Variants in NOS1 observed in about 807,000 individuals in gnomAD.
NOS1 encodes the protein NOS type I.
Under a neutral mutation model 164.5 loss-of-function variants are expected in NOS1, and 51 were observed. The observed-to-expected ratio is 0.31, with a 90% CI of 0.25 to 0.39. The LOEUF (loss-of-function observed/expected upper bound fraction) is 0.39, where lower values mean the gene tolerates loss of function less well. Among genes scored for constraint, NOS1 ranks in the 10% least tolerant of loss-of-function variants. The probability of loss-of-function intolerance (pLI) is 1.00; values close to 1 mark genes in which losing one functional copy is unlikely to be tolerated. For synonymous variants in NOS1, 719 were observed against 745.8 expected, an observed-to-expected ratio of 0.96 and a Z score of 0.59; for missense variants, 1,362 against 1,885.6, an observed-to-expected ratio of 0.72 and a Z score of 5.14.
At chr12:117,263,325 C>T (rs552053249) in intron 13 of NOS1, among the ~76,000 whole-genome samples, 2 of 152,088 alleles carry the variant, frequency 1.3e-5, no homozygotes, top group East Asian at 3.9e-4. Context: ...CAGCTCCTCC[C>T]TAGTCTGGGT....
At chr12:117,218,542 G>A (rs573687658) in intron 27 of NOS1, among the ~76,000 whole-genome samples, 2 of 152,114 alleles carry the variant, frequency 1.3e-5, no homozygotes, top group South Asian at 4.2e-4. Flanking sequence ...GGCAAAACTG[G>A]GTTTAGTGTG....
chr12:117,357,516 T>C (rs182647938), intron 1 of NOS1, among the ~76,000 whole-genome samples: 123 of 152,316 alleles, frequency 8.1e-4, no homozygotes, highest in African/African-American at 2.9e-3. Context: ...GACACTGAGG[T>C]TCTATCCCAG....
At chr12:117,358,105 G>A (rs1229435613) in intron 1 of NOS1, among the ~76,000 whole-genome samples, 1 of 152,176 alleles carries the variant, frequency 6.6e-6, no homozygotes, top group African/African-American at 2.4e-5. Context: ...CTTGTCATAA[G>A]ACACCCCAAA....
intron 2 of NOS1, among the ~76,000 whole-genome samples, chr12:117,325,839 C>T (rs755231018): frequency 4.7e-4 from 71 of 152,234 alleles, no homozygotes; most frequent in Non-Finnish European, 9.1e-4. Flanking sequence ...TAGGCGCAAA[C>T]ATCTGATCAT....
chr12:117,224,342 G>C (rs1401786432), intron 25 of NOS1, among the ~76,000 whole-genome samples: 2 of 151,830 alleles, frequency 1.3e-5, no homozygotes, highest in African/African-American at 4.8e-5. Flanking sequence ...CTGGAGTGCG[G>C]TGGCACGATC....
At chr12:117,221,049 C>T (rs1344199668) in intron 26 of NOS1, among the ~76,000 whole-genome samples, 1 of 152,174 alleles carries the variant, frequency 6.6e-6, no homozygotes, top group African/African-American at 2.4e-5. Flanking sequence ...CCCCAGACCT[C>T]CCCAAGATCC....
In NOS1 at chr12:117,290,443, A is replaced by T; in HGVS notation, c.853-17T>A. 1 of 1,605,196 alleles carries T rather than the reference A, an allele frequency of 6.2e-7. No individual in the cohort carries two copies. The highest frequency in any genetic ancestry group is 8.5e-7 in the Non-Finnish European group (1 of 1,175,272). ...GGTGGGGGGCTGCAGGAGAGAATGA[A>T]GGTGGAAGATGAGGCAGGGCCTTGA... On this transcript the variant is annotated splice_polypyrimidine_tract_variant and intron_variant, in intron 3 of 28. Coordinates refer to ENST00000317775, the MANE Select transcript of NOS1 (RefSeq NM_000620.5).
chr12:117,211,686 T>G lies in NOS1; in HGVS notation c.*3623A>C. Reference sequence around the variant, plus strand: ...TCCCAATTCCTGGACAACTCTTACCTTCCAGAAGCTACCAGTGAAATCCCG... The same window carrying G: ...TCCCAATTCCTGGACAACTCTTACCGTCCAGAAGCTACCAGTGAAATCCCG... On this transcript the variant is annotated 3_prime_UTR_variant, in exon 29 of 29. Coordinates refer to ENST00000317775, the MANE Select transcript of NOS1 (RefSeq NM_000620.5). The G allele has an allele frequency of 1.0e-6, 1 of 985,504 alleles. No homozygotes were observed. Among genetic ancestry groups the G allele is most frequent in the Non-Finnish European group, 1.2e-6 (1 of 830,034 alleles). The allele number at this position is 985,504 out of a possible 1,614,324, so 61.0% of individuals were successfully genotyped here.
intron 7 of NOS1, among the ~76,000 whole-genome samples, chr12:117,284,748 G>A (rs949371286): frequency 6.6e-6 from 1 of 152,214 alleles, no homozygotes; most frequent in South Asian, 2.1e-4. Context: ...ATGGGATGGT[G>A]TATGGAATAA....
intron 1 of NOS1, among the ~76,000 whole-genome samples, chr12:117,333,137 G>T (rs1035905025): frequency 1.3e-5 from 2 of 152,170 alleles, no homozygotes; most frequent in Non-Finnish European, 2.9e-5. Context: ...TGGGTAGGGT[G>T]GGAAGTAGCC....
intron 2 of NOS1, among the ~76,000 whole-genome samples, chr12:117,318,811 C>T (rs568760698): frequency 2.6e-5 from 4 of 152,348 alleles, no homozygotes; most frequent in African/African-American, 9.6e-5. Flanking sequence ...GCAGCTGGTG[C>T]TGGCAGGAGG....
intron 22 of NOS1, 41 bp from the exon 23 acceptor site, chr12:117,227,682 T>C: frequency 6.3e-7 from 1 of 1,597,864 alleles, no homozygotes; most frequent in Non-Finnish European, 8.6e-7. Flanking sequence ...TGAACCCAGC[T>C]GCCACATACT....
At chr12:117,284,406 T>G (rs936571135) in intron 7 of NOS1, among the ~76,000 whole-genome samples, 8 of 152,220 alleles carry the variant, frequency 5.3e-5, no homozygotes, top group African/African-American at 1.9e-4. Flanking sequence ...TGCCTCGGCC[T>G]GCTCCCTGTG....
intron 28 of NOS1, 22 bp downstream of exon 28, chr12:117,218,024 C>A: frequency 6.4e-7 from 1 of 1,552,544 alleles, no homozygotes; most frequent in Non-Finnish European, 8.9e-7. Flanking sequence ...CTGCCCCTCA[C>A]CCAGGGATGG....
intron 21 of NOS1, 53 bp from the exon 22 acceptor site, chr12:117,232,184 G>A: frequency 6.3e-7 from 1 of 1,578,006 alleles, no homozygotes; most frequent in Admixed American, 1.7e-5. Flanking sequence ...TTGAGTCCAA[G>A]TCGGGGGTTC....
At chr12:117,284,570 A>G (rs1013642290) in intron 7 of NOS1, among the ~76,000 whole-genome samples, 1 of 151,764 alleles carries the variant, frequency 6.6e-6, no homozygotes, top group African/African-American at 2.4e-5. Flanking sequence ...AGCAAGACAC[A>G]GTAAAAGCAG....
chr12:117,349,169 C>T (rs965332869), intron 1 of NOS1, among the ~76,000 whole-genome samples: 3 of 152,228 alleles, frequency 2.0e-5, no homozygotes, highest in Non-Finnish European at 2.9e-5. Context: ...TTTCTGCCTC[C>T]GTGGATTTGT....
chr12:117,326,837 A>T (rs1314194141), intron 2 of NOS1, among the ~76,000 whole-genome samples: 1 of 152,162 alleles, frequency 6.6e-6, no homozygotes, highest in Non-Finnish European at 1.5e-5. Flanking sequence ...TGGTGACACG[A>T]GGGCTCCCGT....
intron 1 of NOS1, among the ~76,000 whole-genome samples, chr12:117,332,240 A>G (rs1875583316): frequency 6.6e-6 from 1 of 152,186 alleles, no homozygotes; most frequent in South Asian, 2.1e-4. Context: ...CACGGCAGAC[A>G]CTTTTTGAGC....
Sources: allele counts gnomAD v4.1 joint callset (sites outside exome capture counted in the v4.1 genomes callset), GRCh38; gene constraint gnomAD v4.1.1; transcripts MANE v1.5; gene names NCBI Gene and HGNC (gene_info 2026-07-23, HGNC 2026-07-21).